The following EIF3B variants were observed in gnomAD, a reference collection of about 807,000 sequenced individuals.
EIF3B encodes the protein eukaryotic translation initiation factor 3 subunit 9.
Under a neutral mutation model 104.6 loss-of-function variants are expected in EIF3B, and 10 were observed. That is an observed-to-expected ratio of 0.10 (90% CI 0.06 to 0.16). The LOEUF is 0.16. EIF3B is among the 10% of genes least tolerant of loss of function. The pLI, the probability that EIF3B is intolerant of heterozygous loss-of-function variation, is 1.00. For missense variants in EIF3B, 1,014 were observed against 1,087.9 expected, an observed-to-expected ratio of 0.93 and a Z score of 0.96; for synonymous variants, 542 against 417.2, an observed-to-expected ratio of 1.30 and a Z score of -3.65.
chr7:2,377,153 A>T (rs1190344124), intron 15 of EIF3B, 78 bp downstream of exon 15: 3 of 1,509,376 alleles, frequency 2.0e-6, no homozygotes, highest in Non-Finnish European at 2.7e-6. Flanking sequence ...TTTTTCTGTT[A>T]TTGTTAGGGT....
intron 5 of EIF3B, 115 bp from the exon 6 acceptor site, chr7:2,364,257 C>T (rs1779888687): frequency 2.0e-6 from 2 of 995,102 alleles, no homozygotes; most frequent in South Asian, 1.8e-5. Flanking sequence ...GAGACTCCGT[C>T]TCAAAAAAAA....
chr7:2,366,642 C>T (rs367860910), intron 8 of EIF3B, 51 bp downstream of exon 8: 44 of 1,599,208 alleles, frequency 2.8e-5, no homozygotes, highest in South Asian at 1.8e-4. Flanking sequence ...TGCTTGTAAC[C>T]GGGGTGTGGT....
chr7:2,355,149 G>C lies in EIF3B; in HGVS notation c.228G>C (p.Ala76=). The stretch of plus-strand genomic sequence containing the variant: ...CCGAGCCGGCGGCCGAGGCAGAGGC[G>C]GCCTCCGGCCCGTCCGAGTCGCCCT... ...VRTEPAAEAE[A]ASGPSESPSP... The change falls in exon 1 of 19, where the codon GCG becomes GCC. Residue 76 remains alanine, a synonymous_variant. Coordinates refer to ENST00000360876, the MANE Select transcript of EIF3B (RefSeq NM_001037283.2). 1 of 1,426,502 alleles carries C rather than the reference G, an allele frequency of 7.0e-7. No homozygotes were observed. 88.4% of individuals were successfully genotyped at this position (1,426,502 alleles called of 1,614,324 possible). A position where few individuals can be genotyped will look rare whatever the true frequency, so the allele number is the denominator to read the frequency against.
chr7:2,360,099 T>C (rs752052380), intron 1 of EIF3B, among the ~76,000 whole-genome samples: 10 of 152,158 alleles, frequency 6.6e-5, no homozygotes, highest in Non-Finnish European at 1.2e-4. Context: ...GCCATCCAGT[T>C]CACGGCCTGA....
At chr7:2,367,670 A>C (rs1226157835) in intron 9 of EIF3B, among the ~76,000 whole-genome samples, 1 of 151,630 alleles carries the variant, frequency 6.6e-6, no homozygotes, top group Non-Finnish European at 1.5e-5. Flanking sequence ...GGGTTTCACC[A>C]TGTTGGCTGG....
intron 11 of EIF3B, 85 bp from the exon 12 acceptor site, chr7:2,372,588 G>C: frequency 6.7e-7 from 1 of 1,495,508 alleles, no homozygotes; most frequent in Non-Finnish European, 9.0e-7. Flanking sequence ...ATTTCTCTGT[G>C]GTTGAATAGT....
chr7:2,378,898 A>AGTGCATCCCTCCTG, intron 16 of EIF3B, 132 bp downstream of exon 16: 1 of 874,620 alleles, frequency 1.1e-6, no homozygotes, highest in Non-Finnish European at 1.8e-6. Context: ...GTTCCCCCCC[A>AGTGCATCCCTCCTG]GGAGGGATGC....
In EIF3B at chr7:2,379,206, A is replaced by G; in HGVS notation, c.2305A>G (p.Met769Val). The change falls in exon 17 of 19, where the codon ATG becomes GTG. Residue 769 changes from methionine to valine, a missense_variant. By Grantham distance (21) the Met-to-Val change is conservative. Coordinates refer to ENST00000360876, the MANE Select transcript of EIF3B (RefSeq NM_001037283.2). ...CCGGAAAATGGCCCAGGAGCTCTATATGGAGCAGAAAAACGAGCGCCTGGA... is the reference window on the plus strand; with the variant it reads ...CCGGAAAATGGCCCAGGAGCTCTATGTGGAGCAGAAAAACGAGCGCCTGGA... ...KYRKMAQELY[M>V]EQKNERLELR... 1.9e-6 allele frequency: 3 copies of G among 1,613,646 alleles called. No homozygotes were observed. Among genetic ancestry groups the G allele is most frequent in the Non-Finnish European group, 2.5e-6 (3 of 1,179,822 alleles).
At chr7:2,371,089 T>C (rs1021956252) in intron 10 of EIF3B, among the ~76,000 whole-genome samples, 2 of 152,168 alleles carry the variant, frequency 1.3e-5, no homozygotes, top group African/African-American at 4.8e-5. Flanking sequence ...ATAAATGTTT[T>C]TGTCACCCTA....
chr7:2,363,350 C>G (rs2115296377), intron 4 of EIF3B, among the ~76,000 whole-genome samples: 1 of 151,884 alleles, frequency 6.6e-6, no homozygotes, highest in East Asian at 1.9e-4. Context: ...TCCCAGCTAC[C>G]TGGGAGGCTG....
chr7:2,379,531 G>T lies in EIF3B; in HGVS notation c.*14+20G>T, dbSNP rs367883165. The T allele has an allele frequency of 3.4e-6, 5 of 1,464,104 alleles. No homozygotes were observed. The South Asian group carries it at 4.9e-5, about 14-fold the overall frequency. 90.7% of individuals were successfully genotyped at this position (1,464,104 alleles called of 1,614,324 possible). A position where few individuals can be genotyped will look rare whatever the true frequency, so the allele number is the denominator to read the frequency against. On this transcript the variant is annotated intron_variant, in intron 18 of 18. Coordinates refer to ENST00000360876, the MANE Select transcript of EIF3B (RefSeq NM_001037283.2). Reference sequence around the variant, plus strand: ...ACTGTGGTGAGCGTCTGCAGGGGGCGCGATGGGGGTCCTGTTGGCTGCTCA... The same window carrying T: ...ACTGTGGTGAGCGTCTGCAGGGGGCTCGATGGGGGTCCTGTTGGCTGCTCA...
chr7:2,362,910 C>T lies in EIF3B; in HGVS notation c.812+146C>T, dbSNP rs1248634735. On this transcript the variant is annotated intron_variant, in intron 3 of 18. Coordinates refer to ENST00000360876, the MANE Select transcript of EIF3B (RefSeq NM_001037283.2). ...GGCTGCCGCAGAGCCATTTCACAGCCCTGCCCCACACTTCTGGCCTACAGC... is the reference window on the plus strand; with the variant it reads ...GGCTGCCGCAGAGCCATTTCACAGCTCTGCCCCACACTTCTGGCCTACAGC... 4 of 1,435,722 alleles carry T rather than the reference C, an allele frequency of 2.8e-6. No individual in the cohort carries two copies. In the East Asian group the frequency reaches 6.9e-5, roughly 25 times the overall value. 88.9% of individuals were successfully genotyped at this position (1,435,722 alleles called of 1,614,324 possible).
chr7:2,365,036 C>G (rs900538334), intron 6 of EIF3B, among the ~76,000 whole-genome samples: 1 of 152,236 alleles, frequency 6.6e-6, no homozygotes, highest in Non-Finnish European at 1.5e-5. Context: ...CATTGCAACC[C>G]CAGCCTCCCA....
chr7:2,375,323 C>G, intron 13 of EIF3B, 66 bp from the exon 14 acceptor site: 1 of 1,603,884 alleles, frequency 6.2e-7, no homozygotes, highest in Non-Finnish European at 8.5e-7. Context: ...CGCAGCACCT[C>G]TCAGGAGTGG....
intron 1 of EIF3B, 89 bp from the exon 2 acceptor site, chr7:2,360,621 T>C: frequency 9.3e-7 from 1 of 1,073,748 alleles, no homozygotes; most frequent in South Asian, 1.7e-5. Flanking sequence ...ATTCATTGTC[T>C]CTTCTTGAAG....
chr7:2,375,471 G>A lies in EIF3B; in HGVS notation c.1972G>A (p.Glu658Lys), dbSNP rs776923545. ...IAEHYMASDV[E>K]WDPTGRYVVT... Reference sequence around the variant, plus strand: ...AGAGCACTACATGGCTTCCGACGTCGAATGGGATCCTACTGGGCGCTACGT... The same window carrying A: ...AGAGCACTACATGGCTTCCGACGTCAAATGGGATCCTACTGGGCGCTACGT... Residue 658 changes from glutamate (E) to lysine (K), a missense_variant, in exon 14 of 19, where the codon GAA becomes AAA. Physicochemically the swap from Glu to Lys is moderately conservative, Grantham distance 56. Transcript: ENST00000360876. 3 of 1,614,202 alleles carry A rather than the reference G, an allele frequency of 1.9e-6. No homozygotes were observed. Among genetic ancestry groups the A allele is most frequent in the Non-Finnish European group, 2.5e-6 (3 of 1,180,030 alleles).
chr7:2,365,071 C>A (rs1562481246), intron 6 of EIF3B, among the ~76,000 whole-genome samples: 1 of 152,244 alleles, frequency 6.6e-6, no homozygotes, highest in Non-Finnish European at 1.5e-5. Context: ...CCCACCTCAG[C>A]CTTCCTGAGT....
At chr7:2,367,512 C>T (rs1006974002) in intron 9 of EIF3B, among the ~76,000 whole-genome samples, 29 of 152,202 alleles carry the variant, frequency 1.9e-4, no homozygotes, top group Non-Finnish European at 3.2e-4. Flanking sequence ...CTCGCTCCGT[C>T]AGGCTGGAGT....
intron 6 of EIF3B, among the ~76,000 whole-genome samples, chr7:2,364,804 G>A (rs1296058794): frequency 6.6e-6 from 1 of 152,194 alleles, no homozygotes; most frequent in Non-Finnish European, 1.5e-5. Flanking sequence ...GATTTTGTTA[G>A]TGTGACCATA....
Sources: allele counts gnomAD v4.1 joint callset (sites outside exome capture counted in the v4.1 genomes callset), GRCh38; gene constraint gnomAD v4.1.1; transcripts MANE v1.5; gene names NCBI Gene and HGNC (gene_info 2026-07-23, HGNC 2026-07-21).